MROH7: variants seen among roughly 807,000 people sequenced by gnomAD.
MROH7 encodes maestro heat like repeat family member 7, also known as maestro heat-like repeat-containing protein family member 7.
In MROH7, 113 loss-of-function variants were observed where a neutral mutation model predicts 129.2. The ratio of observed to expected loss-of-function variants is 0.87; its 90% confidence interval spans 0.75 to 1.02. The LOEUF (loss-of-function observed/expected upper bound fraction) is 1.02, where lower values mean the gene tolerates loss of function less well. Ranked by LOEUF, MROH7 falls within the 50% of genes least tolerant of loss-of-function variation. MROH7 has a pLI of 0.00. For missense variants in MROH7, 1,601 were observed against 1,671.3 expected, an observed-to-expected ratio of 0.96 and a Z score of 0.73; for synonymous variants, 655 against 667.9, an observed-to-expected ratio of 0.98 and a Z score of 0.30.
At chr1:54,643,841 T>A (rs57676236) in intron 1 of MROH7, among the ~76,000 whole-genome samples, 3,015 of 152,316 alleles carry the variant, frequency 0.02, 105 homozygotes, top group African/African-American at 0.069. Context: ...TATTATAGAA[T>A]GTGTGGTTGA....
intron 16 of MROH7, 144 bp from the exon 17 acceptor site, chr1:54,695,232 C>T (rs573408814): frequency 9.8e-6 from 6 of 614,752 alleles, no homozygotes; most frequent in Non-Finnish European, 1.8e-5. Context: ...CCTCTGAGAT[C>T]CCACCCAGGT....
intron 6 of MROH7, 50 bp downstream of exon 6, chr1:54,670,626 C>T (rs1197286695): frequency 6.4e-7 from 1 of 1,554,082 alleles, no homozygotes; most frequent in East Asian, 2.4e-5. Context: ...TCTCTTCCTC[C>T]ACTTCTGCCT....
At position 54,700,302 on chromosome 1, in the gene MROH7, T is replaced by C. The variant is rs765230848; in HGVS notation, c.2965-19T>C. The C allele has an allele frequency of 1.2e-6, 2 of 1,613,982 alleles. No individual in the cohort carries two copies. The highest frequency in any genetic ancestry group is 3.3e-5 in the Admixed American group (2 of 60,026). Reference sequence around the variant, plus strand: ...CTGCCCCCCTCAGCCTGGGAAGTAATGACCCTTTGCTCCCTCAGCTCCTCC... The same window carrying C: ...CTGCCCCCCTCAGCCTGGGAAGTAACGACCCTTTGCTCCCTCAGCTCCTCC... On this transcript the variant is annotated intron_variant, in intron 17 of 23. Coordinates refer to ENST00000421030, the MANE Select transcript of MROH7 (RefSeq NM_001039464.4).
chr1:54,708,301 C>T (rs1645566409), intron 22 of MROH7, among the ~76,000 whole-genome samples: 1 of 152,160 alleles, frequency 6.6e-6, no homozygotes, highest in Non-Finnish European at 1.5e-5. Context: ...GTGGCAAATG[C>T]TTATAGTCCT....
At chr1:54,691,803 A>AAAGTGTGTGTGTGTGT (rs778263944) in intron 15 of MROH7, among the ~76,000 whole-genome samples, 18 of 104,184 alleles carry the variant, frequency 1.7e-4, no homozygotes, top group African/African-American at 6.3e-4. Context: ...AAAAAAAAAA[A>AAAGTGTGTGTGTGTGT]GTGTGTGTGT....
intron 7 of MROH7, among the ~76,000 whole-genome samples, chr1:54,672,377 C>A (rs999860995): frequency 6.6e-6 from 1 of 151,848 alleles, no homozygotes; most frequent in Non-Finnish European, 1.5e-5. Context: ...ACTTAGGGAG[C>A]TGGCAGGACG....
At chr1:54,672,026 A>G (rs1314608571) in intron 7 of MROH7, among the ~76,000 whole-genome samples, 2 of 152,206 alleles carry the variant, frequency 1.3e-5, no homozygotes, top group East Asian at 3.9e-4. Flanking sequence ...CAGAAGGAAT[A>G]GCATTCCAGG....
intron 10 of MROH7, 62 bp downstream of exon 10, chr1:54,674,213 A>G: frequency 6.4e-7 from 1 of 1,557,132 alleles, no homozygotes; most frequent in South Asian, 1.2e-5. Context: ...TCTGGATTCA[A>G]TAAAGAATCA....
At chr1:54,690,541 T>C (rs943750979) in intron 15 of MROH7, among the ~76,000 whole-genome samples, 59 of 149,986 alleles carry the variant, frequency 3.9e-4, no homozygotes, top group African/African-American at 1.4e-3. Flanking sequence ...CCTCCCGGGT[T>C]CACGCCATTC....
At chr1:54,645,073 G>T (rs1036180129) in intron 1 of MROH7, among the ~76,000 whole-genome samples, 2 of 152,100 alleles carry the variant, frequency 1.3e-5, no homozygotes, top group Admixed American at 6.6e-5. Context: ...GCCTCCCAAA[G>T]TGCTGAGATT....
chr1:54,664,134 C>T (rs1233345635), intron 3 of MROH7: 1 of 167,834 alleles, frequency 6.0e-6, no homozygotes, highest in East Asian at 1.7e-4. Flanking sequence ...GGTCCCAGGC[C>T]CACACCTATC....
Position 54,700,393 on chromosome 1 carries a change from C to T in MROH7, c.3037C>T (p.His1013Tyr), listed in dbSNP as rs371336314. The part of the protein sequence containing the change: ...SLGRMAEGLS[H>Y]HDPIMKVLSI... The stretch of plus-strand genomic sequence containing the variant: ...GGGGCGGATGGCAGAAGGCCTGAGC[C>T]ACCACGACCCCATCATGAAGGTGCT... Residue 1013 changes from histidine to tyrosine, a missense_variant, in exon 18 of 24, where the codon CAC (histidine) becomes TAC (tyrosine). His to Tyr is a moderately conservative substitution (Grantham distance 83). Coordinates refer to ENST00000421030, the MANE Select transcript of MROH7 (RefSeq NM_001039464.4). The T allele has an allele frequency of 6.2e-7, 1 of 1,613,876 alleles. No individual in the cohort carries two copies. The highest frequency in any genetic ancestry group is 1.1e-5 in the South Asian group (1 of 91,008).
intron 14 of MROH7, among the ~76,000 whole-genome samples, chr1:54,684,686 A>G (rs1453735304): frequency 3.9e-5 from 6 of 152,240 alleles, no homozygotes; most frequent in Non-Finnish European, 8.8e-5. Flanking sequence ...GGAAAAGTAC[A>G]AGGGCTTTGA....
In MROH7 at chr1:54,694,781, A is replaced by G. The variant is rs543095142; in HGVS notation, c.2850-595A>G. ...CCTGGCTTGGGATGGTTCACTTCTAACAAGCTCCCAGCTGATGCTAATACT... is the reference window on the plus strand; with the variant it reads ...CCTGGCTTGGGATGGTTCACTTCTAGCAAGCTCCCAGCTGATGCTAATACT... On this transcript the variant is annotated intron_variant, in intron 16 of 23. Transcript: ENST00000421030. 3.9e-5 allele frequency among the ~76,000 whole-genome samples: 6 copies of G among 152,246 alleles called. No individual in the cohort carries two copies. The East Asian group carries it at 9.7e-4, about 25-fold the overall frequency.
chr1:54,649,707 T>TA (rs1644526319), intron 1 of MROH7, among the ~76,000 whole-genome samples: 2 of 152,222 alleles, frequency 1.3e-5, no homozygotes, highest in African/African-American at 4.8e-5. Context: ...TTTTCCAGGT[T>TA]AAAAATGCCT....
rs150364925 is a variant in MROH7 at position 54,706,665 on chromosome 1, C to A, written c.3667+128C>A. 2.8e-3 allele frequency: 1,866 copies of A among 667,728 alleles called. 28 individuals are homozygous for A. The highest frequency in any genetic ancestry group is 8.4e-4 in the Non-Finnish European group (320 of 380,322). The allele number at this position is 667,728 out of a possible 1,614,324, so 41.4% of individuals were successfully genotyped here. On this transcript the variant is annotated intron_variant, in intron 22 of 23. Transcript: ENST00000421030. ...TCCCTTTGGGTGCAAGGCTTGGCCA[C>A]CAGACAGCCATGGTGAAAGTTAGAA...
At chr1:54,670,667 A>ACCCCCCCCCCCCC in intron 6 of MROH7, 91 bp downstream of exon 6, 2 of 960,102 alleles carry the variant, frequency 2.1e-6, no homozygotes, top group South Asian at 1.6e-5. Flanking sequence ...CCCTCCCCCA[A>ACCCCCCCCCCCCC]CCCGCCCCCA....
At chr1:54,707,684 T>C (rs753896044) in intron 22 of MROH7, among the ~76,000 whole-genome samples, 1 of 152,184 alleles carries the variant, frequency 6.6e-6, no homozygotes, top group Non-Finnish European at 1.5e-5. Flanking sequence ...GGGAATCATC[T>C]GTATGTCAGG....
In MROH7 at chr1:54,658,600, A is replaced by G. The variant is rs1644684101; in HGVS notation, c.1231+4443A>G. 2.0e-5 allele frequency among the ~76,000 whole-genome samples: 3 copies of G among 152,224 alleles called. No homozygotes were observed. The South Asian group carries it at 6.2e-4, about 32-fold the overall frequency. ...TATGTAAAGTGTGCTAGTCATCTCA[A>G]GTATACAGCTTAATGAAAATTTATA... On this transcript the variant is annotated intron_variant, in intron 3 of 23. Coordinates refer to ENST00000421030, the MANE Select transcript of MROH7 (RefSeq NM_001039464.4).
Sources: allele counts gnomAD v4.1 joint callset (sites outside exome capture counted in the v4.1 genomes callset), GRCh38; gene constraint gnomAD v4.1.1; transcripts MANE v1.5; gene names NCBI Gene and HGNC (gene_info 2026-07-23, HGNC 2026-07-21).